Variants in THSD7B observed in about 807,000 individuals in gnomAD.
THSD7B encodes the protein thrombospondin type 1 domain containing 7B.
THSD7B carries 138 observed loss-of-function variants against 213.6 expected under a neutral mutation model. The observed-to-expected ratio is 0.65, with a 90% CI of 0.56 to 0.74. THSD7B has a LOEUF of 0.74. Ranked by LOEUF, THSD7B falls within the 30% of genes least tolerant of loss-of-function variation. THSD7B has a pLI of 0.00. For synonymous variants in THSD7B, 742 were observed against 687.0 expected, an observed-to-expected ratio of 1.08 and a Z score of -1.25; for missense variants, 1,931 against 1,991.5, an observed-to-expected ratio of 0.97 and a Z score of 0.58.
chr2:137,398,356 T>C (rs1686251125), intron 12 of THSD7B, among the ~76,000 whole-genome samples: 2 of 146,206 alleles, frequency 1.4e-5, no homozygotes, highest in South Asian at 4.6e-4. Flanking sequence ...TGGATGTCCT[T>C]TCTGTTTGTT....
chr2:137,265,007 G>A (rs1391556657), intron 10 of THSD7B, among the ~76,000 whole-genome samples: 1 of 148,740 alleles, frequency 6.7e-6, no homozygotes, highest in Non-Finnish European at 1.5e-5. Flanking sequence ...TCCCCAGAGT[G>A]TGATGTTCCC....
At chr2:136,872,195 G>A (rs2104981899) in intron 1 of THSD7B, among the ~76,000 whole-genome samples, 1 of 152,274 alleles carries the variant, frequency 6.6e-6, no homozygotes, top group South Asian at 2.1e-4. Flanking sequence ...AAGTCCAGAA[G>A]TTGACAATTC....
intron 17 of THSD7B, among the ~76,000 whole-genome samples, chr2:137,588,670 T>A (rs1023518791): frequency 6.6e-6 from 1 of 152,068 alleles, no homozygotes; most frequent in Non-Finnish European, 1.5e-5. Context: ...GATTACCATC[T>A]TTTTATTACT....
At chr2:137,203,408 A>C (rs1307908291) in intron 7 of THSD7B, among the ~76,000 whole-genome samples, 1 of 152,052 alleles carries the variant, frequency 6.6e-6, no homozygotes, top group Non-Finnish European at 1.5e-5. Context: ...TTCAAACCTT[A>C]GTGAAGTATA....
At position 137,405,620 on chromosome 2, in the gene THSD7B, A is replaced by G; in HGVS notation, c.2508A>G (p.Ser836=). ...CGKGLQTRAV[S]CISDDNRSAE... is the part of the protein sequence containing the mutation. Reference sequence around the variant, plus strand: ...ATTCATGCTTTTTTTCAGCTGTCTCATGCATCTCTGATGACAACCGGTCAG... The same window carrying G: ...ATTCATGCTTTTTTTCAGCTGTCTCGTGCATCTCTGATGACAACCGGTCAG... The change falls in exon 13 of 28, where the codon TCA becomes TCG. Residue 836 remains serine, a synonymous_variant. Coordinates refer to ENST00000409968, the MANE Select transcript of THSD7B (RefSeq NM_001316349.2). 6.2e-7 allele frequency: 1 copy of G among 1,603,036 alleles called. No individual in the cohort carries two copies. Among genetic ancestry groups the G allele is most frequent in the Non-Finnish European group, 8.5e-7 (1 of 1,175,476 alleles).
intron 5 of THSD7B, among the ~76,000 whole-genome samples, chr2:137,117,611 C>G (rs1450447202): frequency 1.3e-5 from 2 of 152,254 alleles, no homozygotes; most frequent in Middle Eastern, 3.4e-3. Context: ...TACTCTCTCT[C>G]TGTTCACTCT....
intron 10 of THSD7B, among the ~76,000 whole-genome samples, chr2:137,249,284 T>G (rs1682115008): frequency 6.6e-6 from 1 of 152,120 alleles, no homozygotes; most frequent in Non-Finnish European, 1.5e-5. Flanking sequence ...TCTGCCTGTC[T>G]TTATTAAAAC....
chr2:137,546,091 C>G (rs1382465501), intron 15 of THSD7B, among the ~76,000 whole-genome samples: 1 of 150,756 alleles, frequency 6.6e-6, no homozygotes, highest in African/African-American at 2.4e-5. Context: ...TAATTCATAT[C>G]TATCTGAGAA....
At chr2:137,608,233 C>T (rs893990174) in intron 17 of THSD7B, among the ~76,000 whole-genome samples, 2 of 152,124 alleles carry the variant, frequency 1.3e-5, no homozygotes, top group African/African-American at 4.8e-5. Context: ...ATTTATCTTG[C>T]TTTTTGATTA....
At chr2:137,635,342 T>G (rs1182742435) in intron 20 of THSD7B, among the ~76,000 whole-genome samples, 1 of 152,202 alleles carries the variant, frequency 6.6e-6, no homozygotes, top group African/African-American at 2.4e-5. Context: ...CTCATGCAGT[T>G]ATTGAAAAAC....
intron 12 of THSD7B, among the ~76,000 whole-genome samples, chr2:137,316,793 C>A (rs375282255): frequency 6.7e-6 from 1 of 150,034 alleles, no homozygotes; most frequent in Non-Finnish European, 1.5e-5. Context: ...AAAGAAAAGG[C>A]GACCAGGTTC....
intron 2 of THSD7B, among the ~76,000 whole-genome samples, chr2:136,960,023 T>C (rs967162397): frequency 2.6e-5 from 4 of 152,236 alleles, no homozygotes; most frequent in Admixed American, 2.0e-4. Context: ...TGTTTGTGTT[T>C]GAAGTCATTT....
chr2:137,170,714 T>A (rs1385803243), intron 6 of THSD7B, 27 bp from the exon 7 acceptor site: 4 of 1,597,824 alleles, frequency 2.5e-6, no homozygotes, highest in Non-Finnish European at 3.4e-6. Flanking sequence ...TGGAATTCTC[T>A]GAAAATTCTT....
chr2:137,618,699 A>G (rs184046600), intron 19 of THSD7B, among the ~76,000 whole-genome samples, 192 bp downstream of exon 19: 1 of 152,308 alleles, frequency 6.6e-6, no homozygotes, highest in African/African-American at 2.4e-5. Flanking sequence ...TGACTGGGAA[A>G]GGTCATTTTT....
At chr2:137,520,220 GA>G (rs995768227) in intron 15 of THSD7B, among the ~76,000 whole-genome samples, 14 of 151,564 alleles carry the variant, frequency 9.2e-5, no homozygotes, top group Admixed American at 4.6e-4. Flanking sequence ...TTCTACAGAG[GA>G]AAAAAAAGCT....
At chr2:136,850,668 T>G (rs1262926227) in intron 1 of THSD7B, among the ~76,000 whole-genome samples, 1 of 152,050 alleles carries the variant, frequency 6.6e-6, no homozygotes, top group East Asian at 1.9e-4. Flanking sequence ...TTTTTCCATT[T>G]GTTGCTTGGC....
intron 12 of THSD7B, among the ~76,000 whole-genome samples, chr2:137,368,977 C>T (rs560293938): frequency 2.4e-4 from 37 of 152,040 alleles, no homozygotes; most frequent in African/African-American, 8.7e-4. Flanking sequence ...AGTCAGAGTA[C>T]TAGGAGAATT....
At chr2:137,545,840 T>C (rs1680696588) in intron 15 of THSD7B, among the ~76,000 whole-genome samples, 1 of 151,806 alleles carries the variant, frequency 6.6e-6, no homozygotes, top group African/African-American at 2.4e-5. Flanking sequence ...GATCAAGCTG[T>C]CTCTGTGAGC....
At chr2:137,573,436 T>C (rs1329145777) in intron 17 of THSD7B, among the ~76,000 whole-genome samples, 1 of 152,228 alleles carries the variant, frequency 6.6e-6, no homozygotes, top group East Asian at 1.9e-4. Flanking sequence ...CCTTATTAAA[T>C]ATTGAGCCCT....
Sources: allele counts gnomAD v4.1 joint callset (sites outside exome capture counted in the v4.1 genomes callset), GRCh38; gene constraint gnomAD v4.1.1; transcripts MANE v1.5; gene names NCBI Gene and HGNC (gene_info 2026-07-23, HGNC 2026-07-21).